Variants in LAMC3 observed in about 807,000 individuals in gnomAD.
LAMC3 encodes the protein laminin subunit gamma 3, also known as laminin subunit gamma-3.
LAMC3 carries 128 observed loss-of-function variants against 173.8 expected under a neutral mutation model. The ratio of observed to expected loss-of-function variants is 0.74; its 90% CI spans 0.64 to 0.85. LAMC3 has a LOEUF of 0.85. LAMC3 is among the 40% of genes least tolerant of loss of function. The probability of loss-of-function intolerance (pLI) is 0.00; values close to 1 mark genes in which losing one functional copy is unlikely to be tolerated. For missense variants in LAMC3, 2,022 were observed against 2,156.0 expected (o/e 0.94, Z 1.23); for synonymous variants, 897 against 909.1 (o/e 0.99, Z 0.24).
chr9:131,092,775 A>T lies in LAMC3; in HGVS notation c.*988A>T, dbSNP rs1368507663. On this transcript the variant is annotated 3_prime_UTR_variant, in exon 28 of 28. Coordinates refer to ENST00000361069, the MANE Select transcript of LAMC3 (RefSeq NM_006059.4). ...GGCACCACTTGCCATGCGGGAGGCC[A>T]CCAGGGTGTGCAAGCCTGGCTGCCA... 1 of 152,308 alleles carries T rather than the reference A, an allele frequency of 6.6e-6. No individual in the cohort carries two copies. Among genetic ancestry groups the T allele is most frequent in the Non-Finnish European group, 1.5e-5 (1 of 68,140 alleles). 9.4% of individuals were successfully genotyped at this position (152,308 alleles called of 1,614,324 possible). A position where few individuals can be genotyped will look rare whatever the true frequency, so the allele number is the denominator to read the frequency against.
chr9:131,056,414 C>A (rs905038438), intron 11 of LAMC3, among the ~76,000 whole-genome samples: 1 of 150,556 alleles, frequency 6.6e-6, no homozygotes, highest in Non-Finnish European at 1.5e-5. Flanking sequence ...GGATGGATAT[C>A]TTTCCATAAA....
At chr9:131,051,125 C>T (rs544402841) in intron 9 of LAMC3, among the ~76,000 whole-genome samples, 4 of 152,220 alleles carry the variant, frequency 2.6e-5, no homozygotes, top group East Asian at 1.9e-4. Flanking sequence ...AAAGCTGTGG[C>T]GGGGCGCGCT....
Position 131,087,806 on chromosome 9 carries a change from T to C in LAMC3, c.4466T>C (p.Leu1489Pro). 1 of 1,613,990 alleles carries C rather than the reference T, an allele frequency of 6.2e-7. No homozygotes were observed. The highest frequency in any genetic ancestry group is 8.5e-7 in the Non-Finnish European group (1 of 1,180,000). The change falls in exon 27 of 28, where the codon CTT (leucine) becomes CCT (proline). Residue 1489 changes from leucine (L) to proline (P), a missense_variant. Transcript: ENST00000361069. ...EKDIETLSEL[L>P]ARLGSLDTHQ... ...GACATCGAGACCTTGTCAGAGCTGC[T>C]TGCCAGGCTGGGTAAGGAGGCCCTA... is the stretch of plus-strand genomic sequence containing the variant.
chr9:131,084,177 C>G (rs1039249010), intron 24 of LAMC3, among the ~76,000 whole-genome samples: 14 of 151,844 alleles, frequency 9.2e-5, no homozygotes, highest in African/African-American at 3.4e-4. Context: ...GTCACCGTGC[C>G]TGGCCTGTAT....
At chr9:131,041,980 A>T (rs1293417778) in intron 7 of LAMC3, among the ~76,000 whole-genome samples, 1 of 152,198 alleles carries the variant, frequency 6.6e-6, no homozygotes, top group Non-Finnish European at 1.5e-5. Context: ...GAGAAAATAC[A>T]TGTCTTAGCT....
chr9:131,057,051 G>A lies in LAMC3; in HGVS notation c.2062G>A (p.Ala688Thr). The change falls in exon 12 of 28, where the codon GCT becomes ACT. Residue 688 changes from alanine to threonine, a missense_variant. Ala to Thr is a moderately conservative substitution (Grantham distance 58). Transcript: ENST00000361069. ...GYTGQFCESC[A>T]PGYKREMPQG... ...CACGGGCCAGTTCTGTGAATCCTGT[G>A]CTCCGGGATACAAGAGGGAGATGCC... 6.2e-7 allele frequency: 1 copy of A among 1,614,172 alleles called. No homozygotes were observed. Among genetic ancestry groups the A allele is most frequent in the Non-Finnish European group, 8.5e-7 (1 of 1,180,040 alleles).
intron 3 of LAMC3, among the ~76,000 whole-genome samples, chr9:131,035,296 G>C (rs1833921518): frequency 6.6e-6 from 1 of 152,120 alleles, no homozygotes. Flanking sequence ...AGTTCCACAG[G>C]CTGTACAGGA....
chr9:131,057,335 A>G (rs1238750168), intron 12 of LAMC3, among the ~76,000 whole-genome samples, 188 bp downstream of exon 12: 1 of 152,202 alleles, frequency 6.6e-6, no homozygotes, highest in Non-Finnish European at 1.5e-5. Context: ...AAAAGTTACT[A>G]CTGGAATTTG....
intron 23 of LAMC3, among the ~76,000 whole-genome samples, chr9:131,079,994 A>C (rs1459252684): frequency 2.0e-5 from 3 of 152,140 alleles, no homozygotes; most frequent in African/African-American, 7.2e-5. Context: ...TTTGTTTTTG[A>C]AACAGTCTTG....
At position 131,075,950 on chromosome 9, in the gene LAMC3, G is replaced by A. The variant is rs550724439; in HGVS notation, c.3614G>A (p.Arg1205Gln). 8.1e-6 allele frequency: 13 copies of A among 1,608,782 alleles called. No individual in the cohort carries two copies. The highest frequency in any genetic ancestry group is 5.3e-5 in the African/African-American group (4 of 74,996). ...LEGRVALETQ[R>Q]DLEDRYQEVQ... ...GGAAGGGTGGCCCTAGAGACCCAGCGGGACCTGGAGGACAGGTGAGGCCTC... is the reference window on the plus strand; with the variant it reads ...GGAAGGGTGGCCCTAGAGACCCAGCAGGACCTGGAGGACAGGTGAGGCCTC... Residue 1205 changes from arginine to glutamine, a missense_variant, in exon 21 of 28, where the codon CGG (arginine) becomes CAG (glutamine). Physicochemically the swap from Arg to Gln is conservative, Grantham distance 43. Coordinates refer to ENST00000361069, the MANE Select transcript of LAMC3 (RefSeq NM_006059.4).
At position 131,072,786 on chromosome 9, in the gene LAMC3, A is replaced by G; in HGVS notation, c.3368A>G (p.Glu1123Gly). 1 of 1,613,366 alleles carries G rather than the reference A, an allele frequency of 6.2e-7. No homozygotes were observed. Among genetic ancestry groups the G allele is most frequent in the Non-Finnish European group, 8.5e-7 (1 of 1,179,800 alleles). ...CTGGCAGACCTGGAGGCAGTGCTGG[A>G]GTCCTCGGAAGAGGAGATTCTGCAT... ...TQLADLEAVL[E>G]SSEEEILHAA... Residue 1123 changes from glutamate (E) to glycine (G), a missense_variant, in exon 19 of 28, where the codon GAG becomes GGG. Coordinates refer to ENST00000361069, the MANE Select transcript of LAMC3 (RefSeq NM_006059.4).
At position 131,069,039 on chromosome 9, in the gene LAMC3, A is replaced by G; in HGVS notation, c.2879A>G (p.Lys960Arg). The change falls in exon 16 of 28, where the codon AAG (lysine) becomes AGG (arginine). Residue 960 changes from lysine to arginine, a missense_variant. By Grantham distance (26) the Lys-to-Arg change is conservative (BLOSUM62 2). Transcript: ENST00000361069. ...CQLGFFGFSI[K>R]GCRACRCSPL... ...CTGGGTTTCTTCGGCTTCTCCATCA[A>G]GGGCTGCCGGGGTAAGGAGGCTGGG... 1 of 1,613,632 alleles carries G rather than the reference A, an allele frequency of 6.2e-7. No individual in the cohort carries two copies. Among genetic ancestry groups the G allele is most frequent in the Non-Finnish European group, 8.5e-7 (1 of 1,179,908 alleles).
chr9:131,045,657 C>T lies in LAMC3; in HGVS notation c.1516C>T (p.Gln506Ter), dbSNP rs1221407519. Reference protein sequence around the residue: ...QVHHILSDFHQGAEGWWARSV... With the variant: ...QVHHILSDFH ...GCATCACATCCTCAGCGATTTCCACCAGGGTAAGAGATGCTCCCTGCAAAC... is the reference window on the plus strand; with the variant it reads ...GCATCACATCCTCAGCGATTTCCACTAGGGTAAGAGATGCTCCCTGCAAAC... Residue 506 changes from glutamine to a stop codon, truncating the protein, a stop_gained, in exon 8 of 28, where the codon CAG (glutamine) becomes TAG (stop). Transcript: ENST00000361069. LOFTEE classifies it high-confidence loss of function. 1 of 1,614,168 alleles carries T rather than the reference C, an allele frequency of 6.2e-7. No homozygotes were observed.
chr9:131,036,404 A>C, intron 4 of LAMC3, 72 bp downstream of exon 4: 1 of 1,559,526 alleles, frequency 6.4e-7, no homozygotes, highest in Non-Finnish European at 8.8e-7. Flanking sequence ...GAACTCCCCA[A>C]AACGTCGTGG....
Position 131,052,837 on chromosome 9 carries a change from C to A in LAMC3, c.1824-13C>A. 5 of 1,582,560 alleles carry A rather than the reference C, an allele frequency of 3.2e-6. No homozygotes were observed. The highest frequency in any genetic ancestry group is 4.3e-6 in the Non-Finnish European group (5 of 1,151,538). On this transcript the variant is annotated splice_polypyrimidine_tract_variant and intron_variant, in intron 10 of 27. Coordinates refer to ENST00000361069, the MANE Select transcript of LAMC3 (RefSeq NM_006059.4). The stretch of plus-strand genomic sequence containing the variant: ...CTATGTCGGGATCTCACTTTGACCG[C>A]TTCTCTCGCCAGCCTGCAGGAGACC...
intron 24 of LAMC3, among the ~76,000 whole-genome samples, chr9:131,084,625 G>A (rs895154657): frequency 6.6e-6 from 1 of 152,072 alleles, no homozygotes; most frequent in African/African-American, 2.4e-5. Context: ...CTCTGGGTGT[G>A]GTGGCTCACA....
intron 1 of LAMC3, among the ~76,000 whole-genome samples, chr9:131,024,397 C>T (rs1216990912): frequency 6.6e-6 from 1 of 152,122 alleles, no homozygotes; most frequent in African/African-American, 2.4e-5. Flanking sequence ...CCACCCGCTT[C>T]GGCCTCCCAA....
At chr9:131,086,316 G>A (rs186149355) in intron 25 of LAMC3, among the ~76,000 whole-genome samples, 1 of 151,998 alleles carries the variant, frequency 6.6e-6, no homozygotes, top group Admixed American at 6.6e-5. Flanking sequence ...GATCTCAGAT[G>A]ATCCACCTAC....
Position 131,009,340 on chromosome 9 carries a change from G to C in LAMC3, c.126G>C (p.Ala42=). The change falls in exon 1 of 28, where the codon GCG becomes GCC. Residue 42 remains alanine, a synonymous_variant. Coordinates refer to ENST00000361069, the MANE Select transcript of LAMC3 (RefSeq NM_006059.4). The surrounding 1 kb of genome is among the most constrained non-coding windows in gnomAD (Gnocchi z 4.3). ...PQRCLPVFEN[A]AFGRLAQASH... is the part of the protein sequence containing the mutation. ...GCTGCCTGCCGGTGTTCGAGAACGC[G>C]GCGTTTGGGCGGCTCGCCCAGGCCT... is the stretch of plus-strand genomic sequence containing the variant. The C allele has an allele frequency of 6.7e-7, 1 of 1,492,008 alleles. No individual in the cohort carries two copies. The highest frequency in any genetic ancestry group is 8.9e-7 in the Non-Finnish European group (1 of 1,127,872). 92.4% of individuals were successfully genotyped at this position (1,492,008 alleles called of 1,614,324 possible).
Sources: gnomAD v4.1 joint callset for allele counts (sites outside exome capture counted in the v4.1 genomes callset) on GRCh38, gnomAD v4.1.1 for gene constraint, Gnocchi (gnomAD v3.1) non-coding constraint, MANE v1.5 for transcripts, NCBI Gene and HGNC (gene_info 2026-07-23, HGNC 2026-07-21) for gene names.